Variants in PARD3 observed in about 807,000 individuals in gnomAD.
The protein encoded by PARD3 is partitioning defective 3 homolog.
PARD3 carries 75 observed loss-of-function variants against 155.4 expected under a neutral mutation model. The observed-to-expected ratio is 0.48, with a 90% CI of 0.40 to 0.58. The LOEUF is 0.58. Ranked by LOEUF, PARD3 falls within the 20% of genes least tolerant of loss-of-function variation. The pLI, the probability that PARD3 is intolerant of heterozygous loss-of-function variation, is 0.00. For missense variants in PARD3, 1,642 were observed against 1,721.7 expected, an observed-to-expected ratio of 0.95 and a Z score of 0.82; for synonymous variants, 576 against 610.5, an observed-to-expected ratio of 0.94 and a Z score of 0.83.
chr10:34,111,281 C>G lies in PARD3; in HGVS notation c.3950G>C (p.Ser1317Thr), dbSNP rs148393596. 1.5e-5 allele frequency: 25 copies of G among 1,613,950 alleles called. No homozygotes were observed. The highest frequency in any genetic ancestry group is 2.1e-5 in the Non-Finnish European group (25 of 1,179,854). ...GAAGGGCCCCTTGGGAGGGGCGTAA[C>G]TGGGGTCCTGGACTTTCTTATACGA... ...YDSYKKVQDP[S>T]YAPPKGPFRQ... The change falls in exon 25 of 25, where the codon AGT becomes ACT. Residue 1317 changes from serine to threonine, a missense_variant. Coordinates refer to ENST00000374788, the MANE Select transcript of PARD3 (RefSeq NM_001184785.2).
At chr10:34,788,805 G>A (rs974382749) in intron 1 of PARD3, among the ~76,000 whole-genome samples, 2 of 152,158 alleles carry the variant, frequency 1.3e-5, no homozygotes, top group African/African-American at 4.8e-5. Context: ...ACTCAACAAC[G>A]GCTGCAAAAA....
intron 1 of PARD3, among the ~76,000 whole-genome samples, chr10:34,723,652 CTT>C (rs2094646040): frequency 6.6e-6 from 1 of 152,310 alleles, no homozygotes; most frequent in South Asian, 2.1e-4. Context: ...TGTCAGAAGA[CTT>C]TTAAACTTCC....
At chr10:34,570,114 A>G (rs1275457394) in intron 2 of PARD3, among the ~76,000 whole-genome samples, 3 of 152,186 alleles carry the variant, frequency 2.0e-5, no homozygotes, top group Admixed American at 2.0e-4. Flanking sequence ...GTTTTGAATT[A>G]TAAAAGTTGC....
intron 1 of PARD3, among the ~76,000 whole-genome samples, chr10:34,743,532 A>G (rs916595100): frequency 3.3e-5 from 5 of 152,206 alleles, no homozygotes; most frequent in South Asian, 4.1e-4. Flanking sequence ...TGAAATCTAC[A>G]CTAAATTTCA....
rs76464195 is a variant in PARD3 at position 34,479,854 on chromosome 10, G to C, written c.404-9591C>G. 1.3e-3 allele frequency among the ~76,000 whole-genome samples: 201 copies of C among 152,204 alleles called. 2 individuals carry two copies. Among genetic ancestry groups the C allele is most frequent in the African/African-American group, 4.5e-3 (186 of 41,534 alleles). ...CAAGTGTTTTGCGGACTCAGAGAGG[G>C]GTCTTTGAGGACAGTTTAGCAGAAA... On this transcript the variant is annotated intron_variant, in intron 3 of 24. Coordinates refer to ENST00000374788, the MANE Select transcript of PARD3 (RefSeq NM_001184785.2).
chr10:34,149,010 A>C (rs1455173280), intron 22 of PARD3, among the ~76,000 whole-genome samples: 1 of 152,192 alleles, frequency 6.6e-6, no homozygotes. Context: ...AATGTCTAAG[A>C]AGACAGAAAA....
chr10:34,348,985 C>A (rs959105210), intron 14 of PARD3, among the ~76,000 whole-genome samples: 45 of 110,674 alleles, frequency 4.1e-4, no homozygotes, highest in African/African-American at 2.1e-3. Context: ...GGCCTTCAAA[C>A]AAATCTGTTT....
chr10:34,666,325 C>T (rs1273840844), intron 2 of PARD3, among the ~76,000 whole-genome samples: 1 of 152,052 alleles, frequency 6.6e-6, no homozygotes, highest in Non-Finnish European at 1.5e-5. Flanking sequence ...AATTACATGG[C>T]TGATCAAGCA....
Position 34,239,578 on chromosome 10 carries a change from G to T in PARD3, c.3419+30079C>A, listed in dbSNP as rs184484788. 2.3e-3 allele frequency among the ~76,000 whole-genome samples: 353 copies of T among 152,216 alleles called. 2 individuals carry two copies. The highest frequency in any genetic ancestry group is 8.2e-3 in the African/African-American group (341 of 41,538). Reference sequence around the variant, plus strand: ...GCACTTTGGGAGGCCGAGGCGGGTGGATCACTTGAGGTCAGGAGTTTGAGA... The same window carrying T: ...GCACTTTGGGAGGCCGAGGCGGGTGTATCACTTGAGGTCAGGAGTTTGAGA... On this transcript the variant is annotated intron_variant, in intron 22 of 24. Coordinates refer to ENST00000374788, the MANE Select transcript of PARD3 (RefSeq NM_001184785.2).
chr10:34,569,152 G>C (rs1395141267), intron 2 of PARD3, among the ~76,000 whole-genome samples: 1 of 152,080 alleles, frequency 6.6e-6, no homozygotes, highest in Admixed American at 6.5e-5. Context: ...GACAACATTA[G>C]CCAAATACAA....
At chr10:34,205,375 G>A (rs190585915) in intron 22 of PARD3, among the ~76,000 whole-genome samples, 129 of 152,076 alleles carry the variant, frequency 8.5e-4, no homozygotes, top group African/African-American at 2.8e-3. Context: ...TGCTAGATAG[G>A]CCGGGTGAAA....
At chr10:34,772,687 G>C (rs546931868) in intron 1 of PARD3, among the ~76,000 whole-genome samples, 15 of 151,036 alleles carry the variant, frequency 9.9e-5, no homozygotes, top group African/African-American at 3.4e-4. Flanking sequence ...CCAGCTACTC[G>C]GGAGGCTGAG....
At chr10:34,644,466 C>T (rs1266399289) in intron 2 of PARD3, among the ~76,000 whole-genome samples, 1 of 152,260 alleles carries the variant, frequency 6.6e-6, no homozygotes, top group Non-Finnish European at 1.5e-5. Flanking sequence ...CTGGTGCCGG[C>T]TGACATGGCC....
intron 22 of PARD3, among the ~76,000 whole-genome samples, chr10:34,177,773 G>A (rs998723922): frequency 6.6e-6 from 1 of 152,174 alleles, no homozygotes; most frequent in African/African-American, 2.4e-5. Context: ...TGGTGCCTGC[G>A]AACCGCTCAT....
At chr10:34,460,804 G>A (rs1322190838) in intron 4 of PARD3, among the ~76,000 whole-genome samples, 1 of 151,938 alleles carries the variant, frequency 6.6e-6, no homozygotes, top group Non-Finnish European at 1.5e-5. Flanking sequence ...CTGCACTCCG[G>A]CCTGGGCGAC....
intron 22 of PARD3, among the ~76,000 whole-genome samples, chr10:34,137,071 G>C (rs1448795500): frequency 6.6e-6 from 1 of 152,124 alleles, no homozygotes; most frequent in East Asian, 1.9e-4. Flanking sequence ...CTCTACCCTT[G>C]AATGTGGACA....
At chr10:34,466,570 C>A (rs1342897450) in intron 4 of PARD3, among the ~76,000 whole-genome samples, 3 of 152,124 alleles carry the variant, frequency 2.0e-5, no homozygotes, top group African/African-American at 4.8e-5. Flanking sequence ...CTTATTTTAA[C>A]CACTAGAGAT....
At chr10:34,559,450 TG>T (rs1348586446) in intron 2 of PARD3, among the ~76,000 whole-genome samples, 20 of 74,394 alleles carry the variant, frequency 2.7e-4, no homozygotes, top group African/African-American at 3.7e-4. Flanking sequence ...TAAAAAAAAA[TG>T]AAAAAAAAAA....
chr10:34,131,679 G>A (rs970166), intron 22 of PARD3, 96 bp from the exon 23 acceptor site: 271,877 of 1,027,538 alleles, frequency 0.26, 40,047 homozygotes, highest in Non-Finnish European at 0.29. Context: ...GTGAAATGAC[G>A]CCATTTAAGA....
Sources: gnomAD v4.1 joint callset for allele counts (sites outside exome capture counted in the v4.1 genomes callset) on GRCh38, gnomAD v4.1.1 for gene constraint, MANE v1.5 for transcripts, NCBI Gene and HGNC (gene_info 2026-07-23, HGNC 2026-07-21) for gene names.